Variants in ANGPT1 observed in about 807,000 individuals in gnomAD.
ANGPT1 encodes the protein angiopoietin 1.
ANGPT1 carries 17 observed loss-of-function variants against 62.2 expected under a neutral mutation model. That is an observed-to-expected ratio of 0.27 (90% CI 0.19 to 0.41). The LOEUF is 0.41. Ranked by LOEUF, ANGPT1 falls within the 10% of genes least tolerant of loss-of-function variation. The probability of loss-of-function intolerance (pLI) is 1.00; values close to 1 mark genes in which losing one functional copy is unlikely to be tolerated. For missense variants in ANGPT1, 478 were observed against 594.9 expected, an observed-to-expected ratio of 0.80 and a Z score of 2.04; for synonymous variants, 199 against 198.9, an observed-to-expected ratio of 1.00 and a Z score of 0.00.
At chr8:107,361,999 G>A (rs939293279) in intron 1 of ANGPT1, among the ~76,000 whole-genome samples, 2 of 152,274 alleles carry the variant, frequency 1.3e-5, no homozygotes, top group East Asian at 3.9e-4. Context: ...GCAGATCAAT[G>A]AGCTGAGATC....
At chr8:107,484,619 A>G (rs1586362116) in intron 1 of ANGPT1, among the ~76,000 whole-genome samples, 1 of 152,134 alleles carries the variant, frequency 6.6e-6, no homozygotes, top group Non-Finnish European at 1.5e-5. Context: ...CATGTTGCCC[A>G]GGCTGGTCTT....
At chr8:107,405,048 T>C (rs1817120889) in intron 1 of ANGPT1, among the ~76,000 whole-genome samples, 1 of 152,042 alleles carries the variant, frequency 6.6e-6, no homozygotes. Context: ...ATATCAGACA[T>C]ATTCATCTAT....
intron 1 of ANGPT1, among the ~76,000 whole-genome samples, chr8:107,483,507 C>T: frequency 6.6e-6 from 1 of 151,892 alleles, no homozygotes; most frequent in Non-Finnish European, 1.5e-5. Flanking sequence ...ATTTTCTTTT[C>T]TTTTTTTCTA....
chr8:107,273,898 C>A (rs1264900455), intron 7 of ANGPT1, among the ~76,000 whole-genome samples: 1 of 147,792 alleles, frequency 6.8e-6, no homozygotes, highest in Non-Finnish European at 1.5e-5. Flanking sequence ...CTTCATCATT[C>A]TAGGGAAAAA....
At chr8:107,391,667 AAAAC>A (rs770647936) in intron 1 of ANGPT1, among the ~76,000 whole-genome samples, 5 of 152,188 alleles carry the variant, frequency 3.3e-5, no homozygotes, top group South Asian at 2.1e-4. Context: ...ACTTTGTCTC[AAAAC>A]AAACAAACAG....
At chr8:107,364,974 A>G (rs1816243201) in intron 1 of ANGPT1, among the ~76,000 whole-genome samples, 1 of 151,752 alleles carries the variant, frequency 6.6e-6, no homozygotes, top group South Asian at 2.1e-4. Context: ...GAAGGGGGAA[A>G]AAAAAAGACA....
At chr8:107,431,751 TC>T (rs1811193036) in intron 1 of ANGPT1, among the ~76,000 whole-genome samples, 1 of 151,596 alleles carries the variant, frequency 6.6e-6, no homozygotes, top group African/African-American at 2.4e-5. Flanking sequence ...TTTTTTATCA[TC>T]AAAGTATCAT....
chr8:107,354,890 C>T (rs1023486145), intron 1 of ANGPT1, among the ~76,000 whole-genome samples: 9 of 150,536 alleles, frequency 6.0e-5, no homozygotes, highest in Admixed American at 2.6e-4. Flanking sequence ...TCTTTTTCTA[C>T]ATTAAATCCA....
intron 5 of ANGPT1, among the ~76,000 whole-genome samples, chr8:107,302,523 A>C (rs954493442): frequency 6.6e-6 from 1 of 151,948 alleles, no homozygotes; most frequent in African/African-American, 2.4e-5. Flanking sequence ...TCATCATTAC[A>C]CTAGAAACTG....
intron 7 of ANGPT1, among the ~76,000 whole-genome samples, chr8:107,269,598 C>A (rs572593353): frequency 1.3e-5 from 2 of 152,086 alleles, no homozygotes; most frequent in East Asian, 3.9e-4. Flanking sequence ...TTATTTATTT[C>A]TTGTGTTCAG....
At chr8:107,262,975 A>G (rs562126842) in intron 8 of ANGPT1, among the ~76,000 whole-genome samples, 19 of 152,196 alleles carry the variant, frequency 1.2e-4, no homozygotes, top group Non-Finnish European at 2.1e-4. Context: ...TATTTGTTAA[A>G]TACAGAATAT....
Position 107,366,750 on chromosome 8 carries a change from A to T in ANGPT1, c.298-19653T>A, listed in dbSNP as rs1816281797. Reference sequence around the variant, plus strand: ...CCTCATGGTAGTTATACCCTGGCATAGTCCCCTCCTGCATTATATCAGAGT... The same window carrying T: ...CCTCATGGTAGTTATACCCTGGCATTGTCCCCTCCTGCATTATATCAGAGT... On this transcript the variant is annotated intron_variant, in intron 1 of 8. Transcript: ENST00000517746. Among the ~76,000 whole-genome samples, 4 of 152,338 alleles carry T rather than the reference A, an allele frequency of 2.6e-5. No homozygotes were observed. The South Asian group carries it at 8.3e-4, about 32-fold the overall frequency.
chr8:107,312,857 A>T (rs1377921498), intron 4 of ANGPT1, among the ~76,000 whole-genome samples: 1 of 151,874 alleles, frequency 6.6e-6, no homozygotes, highest in African/African-American at 2.4e-5. Flanking sequence ...CTTCTAAACC[A>T]CCATGCCTGC....
intron 3 of ANGPT1, among the ~76,000 whole-genome samples, chr8:107,330,999 C>T (rs1815407406): frequency 6.6e-6 from 1 of 151,954 alleles, no homozygotes; most frequent in Admixed American, 6.6e-5. Flanking sequence ...AATATAAATT[C>T]AAAAAGTCAC....
At chr8:107,459,795 G>T (rs527874425) in intron 1 of ANGPT1, among the ~76,000 whole-genome samples, 2 of 152,254 alleles carry the variant, frequency 1.3e-5, no homozygotes, top group East Asian at 3.9e-4. Flanking sequence ...GAAGTAGAGG[G>T]AAAGTGGTAG....
chr8:107,249,833 G>T lies in ANGPT1; in HGVS notation c.*2022C>A, dbSNP rs191161582. 5 of 152,076 alleles carry T rather than the reference G, an allele frequency of 3.3e-5. No individual in the cohort carries two copies. Among genetic ancestry groups the T allele is most frequent in the African/African-American group, 1.2e-4 (5 of 41,378 alleles). The allele number at this position is 152,076 out of a possible 1,614,324, so 9.4% of individuals were successfully genotyped here. ...AATAGTATTCTTTATCCAAAAACTG[G>T]TTTAAGAAAGTGTCTGTAGGAACAC... On this transcript the variant is annotated 3_prime_UTR_variant, in exon 9 of 9. Coordinates refer to ENST00000517746, the MANE Select transcript of ANGPT1 (RefSeq NM_001146.5).
intron 7 of ANGPT1, among the ~76,000 whole-genome samples, chr8:107,269,355 T>G (rs1813687759): frequency 6.6e-6 from 1 of 152,034 alleles, no homozygotes; most frequent in Non-Finnish European, 1.5e-5. Flanking sequence ...AAACAGAACA[T>G]TTGGATGATT....
At chr8:107,345,665 T>C (rs1815789032) in intron 2 of ANGPT1, among the ~76,000 whole-genome samples, 1 of 152,118 alleles carries the variant, frequency 6.6e-6, no homozygotes, top group Admixed American at 6.6e-5. Context: ...ATAAAATAAA[T>C]AATACAGTCA....
intron 1 of ANGPT1, among the ~76,000 whole-genome samples, chr8:107,491,893 T>C (rs1233739763): frequency 2.6e-5 from 4 of 152,120 alleles, no homozygotes. Flanking sequence ...CAATGTGAAA[T>C]GGTACAGTCA....
Sources: allele counts gnomAD v4.1 joint callset (sites outside exome capture counted in the v4.1 genomes callset), GRCh38; gene constraint gnomAD v4.1.1; transcripts MANE v1.5; gene names NCBI Gene and HGNC (gene_info 2026-07-23, HGNC 2026-07-21).